ROBO2: variants seen among roughly 807,000 people sequenced by gnomAD.
The protein encoded by ROBO2 is roundabout homolog 2.
Under a neutral mutation model 160.8 loss-of-function variants are expected in ROBO2, and 53 were observed. The observed-to-expected ratio is 0.33, with a 90% CI of 0.26 to 0.41. ROBO2 has a LOEUF of 0.41. Among genes scored for constraint, ROBO2 ranks in the 10% least tolerant of loss-of-function variants. The pLI is 1.00. For missense variants in ROBO2, 1,577 were observed against 1,722.4 expected, an observed-to-expected ratio of 0.92 and a Z score of 1.49; for synonymous variants, 664 against 611.7, an observed-to-expected ratio of 1.09 and a Z score of -1.26.
chr3:77,164,223 G>A (rs1369737388), intron 2 of ROBO2, among the ~76,000 whole-genome samples: 1 of 152,164 alleles, frequency 6.6e-6, no homozygotes, highest in Non-Finnish European at 1.5e-5. Flanking sequence ...ATAAAAAAGT[G>A]GTATGTGGCA....
At chr3:76,467,806 TTAA>T (rs1462025618) in intron 2 of ROBO2, among the ~76,000 whole-genome samples, 1 of 152,134 alleles carries the variant, frequency 6.6e-6, no homozygotes, top group African/African-American at 2.4e-5. Flanking sequence ...TAAATTAATA[TTAA>T]TAATGTTTGA....
At chr3:76,749,278 A>G (rs2093941585) in intron 2 of ROBO2, among the ~76,000 whole-genome samples, 1 of 151,762 alleles carries the variant, frequency 6.6e-6, no homozygotes, top group Admixed American at 6.6e-5. Context: ...TTTTTTTCAA[A>G]TATATATGTA....
At chr3:77,466,540 A>G (rs144288299) in intron 2 of ROBO2, among the ~76,000 whole-genome samples, 1 of 152,298 alleles carries the variant, frequency 6.6e-6, no homozygotes, top group Non-Finnish European at 1.5e-5. Flanking sequence ...TGTTGTTAAA[A>G]TAGCTAAAAT....
intron 2 of ROBO2, among the ~76,000 whole-genome samples, chr3:76,929,514 C>T (rs1174462087): frequency 2.0e-5 from 3 of 152,240 alleles, no homozygotes; most frequent in Non-Finnish European, 4.4e-5. Flanking sequence ...CCACAGTCAT[C>T]TCTCTCCTGG....
chr3:76,422,979 C>A (rs939052934), intron 2 of ROBO2, among the ~76,000 whole-genome samples: 1 of 151,770 alleles, frequency 6.6e-6, no homozygotes, highest in Non-Finnish European at 1.5e-5. Context: ...CGGTAGGATA[C>A]CTAAAGATGT....
chr3:77,038,439 T>C (rs1559879110), upstream of ROBO2, among the ~76,000 whole-genome samples: 3 of 152,294 alleles, frequency 2.0e-5, no homozygotes, highest in Admixed American at 1.3e-4. Context: ...TGACCTTTTT[T>C]TAAAAGAACA....
chr3:77,088,001 G>A (rs1300102233), intron 1 of ROBO2, among the ~76,000 whole-genome samples: 1 of 152,120 alleles, frequency 6.6e-6, no homozygotes, highest in East Asian at 1.9e-4. Context: ...ACTCCCTACG[G>A]GTGCTGAGGC....
intron 2 of ROBO2, among the ~76,000 whole-genome samples, chr3:76,000,353 T>A (rs2065847537): frequency 6.6e-6 from 1 of 152,150 alleles, no homozygotes; most frequent in African/African-American, 2.4e-5. Context: ...AAAATAATAT[T>A]CTTTTAGAGT....
chr3:77,388,834 T>A (rs2074403371), intron 2 of ROBO2, among the ~76,000 whole-genome samples: 1 of 152,254 alleles, frequency 6.6e-6, no homozygotes, highest in Admixed American at 6.5e-5. Flanking sequence ...AAGAGCCATG[T>A]CTCTAAAGAC....
intron 22 of ROBO2, among the ~76,000 whole-genome samples, chr3:77,620,957 T>C (rs570370148): frequency 1.6e-4 from 24 of 152,330 alleles, no homozygotes; most frequent in Middle Eastern, 3.4e-3. Flanking sequence ...ACACTCACTT[T>C]TTAATGCTGG....
rs745573357 is a variant in ROBO2 at position 77,602,210 on chromosome 3, A to T, written c.2855A>T (p.Asp952Val). ...TTTCATTTCCCTATGTTCACCACAG[A>T]TGTGCTGCCACCAGTTCCAGGCCAA... is the stretch of plus-strand genomic sequence containing the variant. The change falls in exon 20 of 26, where the codon GAT becomes GTT. Residue 952 changes from aspartate to valine, a missense_variant and splice_region_variant. Physicochemically the swap from Asp to Val is radical, Grantham distance 152 (BLOSUM62 -3). Transcript: ENST00000461745. 28 of 1,614,056 alleles carry T rather than the reference A, an allele frequency of 1.7e-5. No individual in the cohort carries two copies. Among genetic ancestry groups the T allele is most frequent in the Non-Finnish European group, 1.9e-5 (23 of 1,180,026 alleles).
chr3:76,628,380 A>G (rs1025816378), intron 2 of ROBO2, among the ~76,000 whole-genome samples: 29 of 151,266 alleles, frequency 1.9e-4, no homozygotes, highest in African/African-American at 6.6e-4. Flanking sequence ...CCCTCACACT[A>G]CAGCCTCCAG....
At chr3:77,363,539 A>G (rs912664324) in intron 2 of ROBO2, among the ~76,000 whole-genome samples, 1 of 152,318 alleles carries the variant, frequency 6.6e-6, no homozygotes, top group Middle Eastern at 3.4e-3. Context: ...GAAGACCCAA[A>G]GATGTAGGGA....
At chr3:77,420,347 A>G (rs1030094781) in intron 2 of ROBO2, among the ~76,000 whole-genome samples, 3 of 152,042 alleles carry the variant, frequency 2.0e-5, no homozygotes, top group Non-Finnish European at 4.4e-5. Context: ...GTGTATGCAT[A>G]TGGTATATAT....
chr3:76,439,695 A>T (rs2076836933), intron 2 of ROBO2, among the ~76,000 whole-genome samples: 1 of 152,198 alleles, frequency 6.6e-6, no homozygotes, highest in African/African-American at 2.4e-5. Context: ...CTTGTAAAGA[A>T]ATTGAAGAAA....
intron 2 of ROBO2, among the ~76,000 whole-genome samples, chr3:76,882,518 C>CT (rs574337012): frequency 2.1e-3 from 306 of 148,350 alleles, no homozygotes; most frequent in African/African-American, 6.1e-3. Flanking sequence ...TTTAAAAACA[C>CT]TTTTTTTTTT....
At chr3:75,996,743 AATTCT>A (rs2065737528) in intron 2 of ROBO2, among the ~76,000 whole-genome samples, 3 of 46,882 alleles carry the variant, frequency 6.4e-5, no homozygotes, top group Non-Finnish European at 1.8e-4. Context: ...GTAAATCATC[AATTCT>A]GATATATGTA....
intron 2 of ROBO2, among the ~76,000 whole-genome samples, chr3:76,876,325 G>T (rs1189407953): frequency 6.6e-6 from 1 of 152,140 alleles, no homozygotes; most frequent in Non-Finnish European, 1.5e-5. Context: ...AAGTGAATCT[G>T]TTCCAATTAT....
intron 2 of ROBO2, among the ~76,000 whole-genome samples, chr3:75,968,682 T>A (rs1237340286): frequency 1.3e-5 from 2 of 151,544 alleles, no homozygotes; most frequent in Non-Finnish European, 3.0e-5. Flanking sequence ...TAGATACAAC[T>A]TACTCATCCT....
Sources: gnomAD v4.1 joint callset for allele counts (sites outside exome capture counted in the v4.1 genomes callset) on GRCh38, gnomAD v4.1.1 for gene constraint, MANE v1.5 for transcripts, NCBI Gene and HGNC (gene_info 2026-07-23, HGNC 2026-07-21) for gene names.